The following ATAD2B variants were observed in gnomAD, a reference collection of about 807,000 sequenced individuals.
ATAD2B encodes ATPase family AAA domain-containing protein 2B.
ATAD2B carries 40 observed loss-of-function variants against 167.6 expected under a neutral mutation model. That is an observed-to-expected ratio of 0.24 (90% CI 0.19 to 0.31). ATAD2B has a LOEUF of 0.31. Ranked by LOEUF, ATAD2B falls within the 10% of genes least tolerant of loss-of-function variation. ATAD2B has a pLI of 1.00. For synonymous variants in ATAD2B, 579 were observed against 596.5 expected (o/e 0.97, Z 0.43); for missense variants, 1,242 against 1,757.2 (o/e 0.71, Z 5.24).
chr2:23,769,966 G>A (rs1318121672), intron 22 of ATAD2B, among the ~76,000 whole-genome samples: 24 of 151,648 alleles, frequency 1.6e-4, no homozygotes, highest in South Asian at 4.2e-4. Flanking sequence ...TTACAGGCGT[G>A]AGCAACTGTA....
At chr2:23,803,690 G>A (rs1483276484) in intron 18 of ATAD2B, among the ~76,000 whole-genome samples, 2 of 152,170 alleles carry the variant, frequency 1.3e-5, no homozygotes, top group Admixed American at 1.3e-4. Context: ...AAGGAGAAAA[G>A]AAAGTTCTGT....
At chr2:23,816,082 C>T (rs1020544361) in intron 17 of ATAD2B, among the ~76,000 whole-genome samples, 3 of 152,046 alleles carry the variant, frequency 2.0e-5, no homozygotes, top group Non-Finnish European at 2.9e-5. Flanking sequence ...AACAAATGAA[C>T]AAGTCAACTA....
At chr2:23,678,881 A>T in the ATAD2B span, among the ~76,000 whole-genome samples, 1 of 152,184 alleles carries the variant, frequency 6.6e-6, no homozygotes, top group East Asian at 1.9e-4. Flanking sequence ...GACAGAAAGT[A>T]GAATGGTGGT....
intron 6 of ATAD2B, among the ~76,000 whole-genome samples, chr2:23,882,219 T>A (rs1298093955): frequency 6.6e-6 from 1 of 151,764 alleles, no homozygotes; most frequent in Non-Finnish European, 1.5e-5. Context: ...TTTTATTTTT[T>A]TTGAAACAGA....
the ATAD2B span, among the ~76,000 whole-genome samples, chr2:23,711,079 A>AT: frequency 6.6e-6 from 1 of 152,158 alleles, no homozygotes; most frequent in African/African-American, 2.4e-5. Flanking sequence ...AACAATGTAT[A>AT]TTTTTATGAT....
At chr2:23,777,568 G>A (rs1390167789) in intron 22 of ATAD2B, among the ~76,000 whole-genome samples, 1 of 152,088 alleles carries the variant, frequency 6.6e-6, no homozygotes, top group African/African-American at 2.4e-5. Flanking sequence ...AAAACACAGA[G>A]GGCTCCAAAA....
intron 18 of ATAD2B, among the ~76,000 whole-genome samples, chr2:23,801,706 A>G (rs1481349249): frequency 6.6e-6 from 1 of 152,056 alleles, no homozygotes; most frequent in Non-Finnish European, 1.5e-5. Flanking sequence ...TTAGATAACT[A>G]ATTTTTTTAA....
rs1326826593 is a variant in ATAD2B at position 23,911,910 on chromosome 2, G to A, written c.216+14645C>T. 2.6e-5 allele frequency among the ~76,000 whole-genome samples: 4 copies of A among 151,260 alleles called. No individual in the cohort carries two copies. The East Asian group carries it at 5.8e-4, about 22-fold the overall frequency. On this transcript the variant is annotated intron_variant, in intron 1 of 27. Coordinates refer to ENST00000238789, the MANE Select transcript of ATAD2B (RefSeq NM_017552.4). ...GAATTGCTCGAACCTGGGAGGCTGC[G>A]GTTGCAGTGAGCCAAGATCACGCCA...
chr2:23,902,414 C>T (rs1700954639), intron 1 of ATAD2B, among the ~76,000 whole-genome samples: 1 of 152,138 alleles, frequency 6.6e-6, no homozygotes, highest in Non-Finnish European at 1.5e-5. Flanking sequence ...TACTTCAGCA[C>T]CATTTAATTA....
chr2:23,917,506 C>T (rs956103380), intron 1 of ATAD2B, among the ~76,000 whole-genome samples: 2 of 152,110 alleles, frequency 1.3e-5, no homozygotes, highest in African/African-American at 2.4e-5. Context: ...AATGTATACA[C>T]TGTAAATTAA....
intron 6 of ATAD2B, among the ~76,000 whole-genome samples, 195 bp from the exon 7 acceptor site, chr2:23,880,950 G>A (rs1697793950): frequency 1.3e-5 from 2 of 152,092 alleles, no homozygotes; most frequent in Admixed American, 6.5e-5. Context: ...TACTTTCCCT[G>A]CCAATGATCA....
intron 1 of ATAD2B, among the ~76,000 whole-genome samples, chr2:23,924,892 G>C (rs556192535): frequency 8.4e-4 from 128 of 152,158 alleles, no homozygotes; most frequent in Non-Finnish European, 1.2e-3. Context: ...TTATTCCTCG[G>C]GGGGTGAGGA....
In ATAD2B at chr2:23,833,912, C is replaced by T. The variant is rs1444624578; in HGVS notation, c.1728+7G>A. On this transcript the variant is annotated splice_region_variant and intron_variant, in intron 14 of 27. Coordinates refer to ENST00000238789, the MANE Select transcript of ATAD2B (RefSeq NM_017552.4). ...AATGTTAACATATTGAAAACAAAAA[C>T]TCTTACCTTTTGATCAGGCAGGTTG... The T allele has an allele frequency of 6.3e-7, 1 of 1,596,698 alleles. No homozygotes were observed. Among genetic ancestry groups the T allele is most frequent in the Non-Finnish European group, 8.5e-7 (1 of 1,174,252 alleles).
At chr2:23,836,850 C>T (rs998359681) in intron 13 of ATAD2B, among the ~76,000 whole-genome samples, 2 of 152,062 alleles carry the variant, frequency 1.3e-5, no homozygotes, top group Non-Finnish European at 1.5e-5. Flanking sequence ...TTATGGGACT[C>T]GGGGGAAGGA....
At chr2:23,809,470 T>C (rs569838415) in intron 18 of ATAD2B, among the ~76,000 whole-genome samples, 13 of 152,266 alleles carry the variant, frequency 8.5e-5, no homozygotes, top group African/African-American at 2.6e-4. Flanking sequence ...AATTACAGTA[T>C]ATGTGTTAAG....
At chr2:23,793,701 C>G (rs1451536840) in intron 19 of ATAD2B, among the ~76,000 whole-genome samples, 2 of 152,120 alleles carry the variant, frequency 1.3e-5, no homozygotes, top group Non-Finnish European at 2.9e-5. Flanking sequence ...TTTTTTCATG[C>G]AGCAAACTTT....
chr2:23,773,158 AG>A (rs1678593059), intron 22 of ATAD2B, among the ~76,000 whole-genome samples: 1 of 152,216 alleles, frequency 6.6e-6, no homozygotes, highest in Non-Finnish European at 1.5e-5. Flanking sequence ...TCAAAGTAGA[AG>A]GGATGTCTAT....
chr2:23,818,777 G>T (rs568632063), intron 17 of ATAD2B, among the ~76,000 whole-genome samples: 1 of 152,304 alleles, frequency 6.6e-6, no homozygotes, highest in South Asian at 2.1e-4. Flanking sequence ...TTATGTAAAT[G>T]CAAGTAAAGA....
chr2:23,718,950 A>T, the ATAD2B span, among the ~76,000 whole-genome samples: 181 of 152,272 alleles, frequency 1.2e-3, no homozygotes, highest in African/African-American at 4.3e-3. Flanking sequence ...GGGCCCACAC[A>T]CTAATCCACA....
Sources: allele counts gnomAD v4.1 joint callset (sites outside exome capture counted in the v4.1 genomes callset), GRCh38; gene constraint gnomAD v4.1.1; transcripts MANE v1.5; gene names NCBI Gene and HGNC (gene_info 2026-07-23, HGNC 2026-07-21).